FRA10AC1: variants seen among roughly 807,000 people sequenced by gnomAD.
FRA10AC1 encodes FRA10A associated CGG repeat 1.
FRA10AC1 carries 43 observed loss-of-function variants against 56.5 expected under a neutral mutation model. The ratio of observed to expected loss-of-function variants is 0.76; its 90% CI spans 0.60 to 0.98. The LOEUF (loss-of-function observed/expected upper bound fraction) is 0.98. FRA10AC1 is among the 50% of genes least tolerant of loss of function. The pLI, the probability that FRA10AC1 is intolerant of heterozygous loss-of-function variation, is 0.00. For missense variants in FRA10AC1, 346 were observed against 351.8 expected (o/e 0.98, Z 0.13); for synonymous variants, 112 against 110.5 (o/e 1.01, Z -0.09).
At chr10:93,681,738 G>T (rs1372578810) in intron 10 of FRA10AC1, 140 bp from the exon 11 acceptor site, 1 of 702,526 alleles carries the variant, frequency 1.4e-6, no homozygotes, top group Non-Finnish European at 2.1e-6. Context: ...AACGTTAAGT[G>T]AGACTGTAAA....
At position 93,692,101 on chromosome 10, in the gene FRA10AC1, CA is replaced by C. The variant is rs1237607551; in HGVS notation, c.381-9del. ...TTAGCAAGTCTCTTCTCCCTAGACC[CA>C]TGAAAATATAAATATTATACATTTA... On this transcript the variant is annotated splice_polypyrimidine_tract_variant and intron_variant, in intron 6 of 13. Coordinates refer to ENST00000359204, the MANE Select transcript of FRA10AC1 (RefSeq NM_145246.5). The C allele has an allele frequency of 6.8e-7, 1 of 1,472,740 alleles. No individual in the cohort carries two copies. The highest frequency in any genetic ancestry group is 2.6e-5 in the East Asian group (1 of 38,538). 91.2% of individuals were successfully genotyped at this position (1,472,740 alleles called of 1,614,324 possible).
At chr10:93,669,933 A>G in intron 13 of FRA10AC1, 65 bp from the exon 14 acceptor site, 1 of 797,518 alleles carries the variant, frequency 1.3e-6, no homozygotes, top group South Asian at 1.6e-5. Context: ...GATACATTAT[A>G]TGAGATTAAT....
At chr10:93,692,590 A>G in intron 6 of FRA10AC1, 56 bp downstream of exon 6, 1 of 1,129,436 alleles carries the variant, frequency 8.9e-7, no homozygotes, top group Non-Finnish European at 1.3e-6. Flanking sequence ...CCACTCAGAA[A>G]ACAGGAGAAA....
At position 93,668,108 on chromosome 10, in the gene FRA10AC1, A is replaced by C. The variant is rs919092263; in HGVS notation, c.*1718T>G. ...ATGAATAACTGTTTAATAAAAGGAA[A>C]ATCTCTGATAATAACCATTTTAAAA... On this transcript the variant is annotated 3_prime_UTR_variant, in exon 14 of 14. Coordinates refer to ENST00000359204, the MANE Select transcript of FRA10AC1 (RefSeq NM_145246.5). 2 of 152,186 alleles carry C rather than the reference A, an allele frequency of 1.3e-5. No individual in the cohort carries two copies. Among genetic ancestry groups the C allele is most frequent in the Admixed American group, 6.6e-5 (1 of 15,264 alleles). 9.4% of individuals were successfully genotyped at this position (152,186 alleles called of 1,614,324 possible).
chr10:93,677,793 G>GT (rs1413819907), intron 11 of FRA10AC1, among the ~76,000 whole-genome samples: 3 of 152,212 alleles, frequency 2.0e-5, no homozygotes, highest in African/African-American at 7.2e-5. Flanking sequence ...GTCTGAGATT[G>GT]TGAGTTGCTA....
At position 93,693,507 on chromosome 10, in the gene FRA10AC1, TACACCATATATATATATATAC is replaced by T. The variant is rs1430347460; in HGVS notation, c.297-799_297-779del. ...GTATATATATATATATATATATATA[TACACCATATATATATATATAC>T]ACCATATATATATATATATACACAC... On this transcript the variant is annotated intron_variant, in intron 5 of 13. Transcript: ENST00000359204. Among the ~76,000 whole-genome samples the T allele has an allele frequency of 3.9e-3, 99 of 25,508 alleles. 6 individuals carry two copies. The highest frequency in any genetic ancestry group is 6.8e-3 in the African/African-American group (86 of 12,734). 16.7% of individuals were successfully genotyped at this position (25,508 alleles called of 152,430 possible). A position where few individuals can be genotyped will look rare whatever the true frequency, so the allele number is the denominator to read the frequency against.
chr10:93,679,688 A>G (rs1377801509), intron 11 of FRA10AC1, among the ~76,000 whole-genome samples: 1 of 152,144 alleles, frequency 6.6e-6, no homozygotes, highest in African/African-American at 2.4e-5. Context: ...TTTGTCCAGG[A>G]TTTTGCTTAT....
intron 8 of FRA10AC1, among the ~76,000 whole-genome samples, chr10:93,687,124 T>A (rs960722940): frequency 3.3e-5 from 5 of 151,936 alleles, no homozygotes; most frequent in Admixed American, 2.6e-4. Context: ...TTGAAAGTTG[T>A]CTTGCTATGA....
intron 13 of FRA10AC1, among the ~76,000 whole-genome samples, chr10:93,670,138 T>C: frequency 6.6e-6 from 1 of 152,182 alleles, no homozygotes; most frequent in East Asian, 1.9e-4. Context: ...GAAATACTTG[T>C]GAAATGTCAT....
chr10:93,693,960 CTACA>C (rs1299611819), intron 5 of FRA10AC1, among the ~76,000 whole-genome samples: 1 of 151,830 alleles, frequency 6.6e-6, no homozygotes, highest in Non-Finnish European at 1.5e-5. Flanking sequence ...GGATAAAAGA[CTACA>C]TTTTAGGTAT....
chr10:93,676,544 TAAC>T lies in FRA10AC1; in HGVS notation c.826+106_826+108del, dbSNP rs1266181170. 2.9e-6 allele frequency: 4 copies of T among 1,392,448 alleles called. No homozygotes were observed. In the East Asian group the frequency reaches 1.2e-4, roughly 42 times the overall value. 86.3% of individuals were successfully genotyped at this position (1,392,448 alleles called of 1,614,324 possible). A position where few individuals can be genotyped will look rare whatever the true frequency, so the allele number is the denominator to read the frequency against. ...AGTTTTTCTCATGTACAAAAATAAT[TAAC>T]AAAAACAAAAAATAATTCACATCAC... On this transcript the variant is annotated intron_variant, in intron 12 of 13. Transcript: ENST00000359204.
At chr10:93,680,110 A>G (rs976041058) in intron 11 of FRA10AC1, among the ~76,000 whole-genome samples, 1 of 152,188 alleles carries the variant, frequency 6.6e-6, no homozygotes, top group Non-Finnish European at 1.5e-5. Context: ...CTTTGATTGT[A>G]CTGAGTAACA....
At chr10:93,678,842 A>C (rs2058885678) in intron 11 of FRA10AC1, among the ~76,000 whole-genome samples, 2 of 117,726 alleles carry the variant, frequency 1.7e-5, no homozygotes, top group African/African-American at 5.6e-5. Flanking sequence ...ACAGAACAAG[A>C]CCCTGTCTTA....
Position 93,669,482 on chromosome 10 carries a change from T to A in FRA10AC1, c.*344A>T. ...AAGAGAAAAAGAAGAAATAATAAAA[T>A]AAAATAATGAAGGCAAGAGAAGATA... On this transcript the variant is annotated 3_prime_UTR_variant, in exon 14 of 14. Coordinates refer to ENST00000359204, the MANE Select transcript of FRA10AC1 (RefSeq NM_145246.5). The A allele has an allele frequency of 5.5e-6, 1 of 180,428 alleles. No homozygotes were observed. Among genetic ancestry groups the A allele is most frequent in the Non-Finnish European group, 1.1e-5 (1 of 87,972 alleles). The allele number at this position is 180,428 out of a possible 1,614,324, so 11.2% of individuals were successfully genotyped here.
intron 8 of FRA10AC1, among the ~76,000 whole-genome samples, chr10:93,687,038 G>C (rs2059040395): frequency 6.6e-6 from 1 of 151,590 alleles, no homozygotes; most frequent in South Asian, 2.1e-4. Context: ...ATGTGGATTT[G>C]GCTGAAAAAC....
intron 4 of FRA10AC1, among the ~76,000 whole-genome samples, chr10:93,695,734 A>G (rs1417414680): frequency 1.4e-5 from 2 of 144,538 alleles, no homozygotes; most frequent in African/African-American, 5.1e-5. Context: ...ATATTTCAGG[A>G]AAAAAAAAAA....
At chr10:93,685,095 A>G (rs2059001595) in intron 9 of FRA10AC1, 151 bp downstream of exon 9, 1 of 554,966 alleles carries the variant, frequency 1.8e-6, no homozygotes, top group Non-Finnish European at 3.1e-6. Context: ...CTGAGGCTGA[A>G]AAGTTCTTTG....
At chr10:93,698,965 C>T (rs1477345128) in intron 2 of FRA10AC1, among the ~76,000 whole-genome samples, 1 of 152,112 alleles carries the variant, frequency 6.6e-6, no homozygotes, top group Non-Finnish European at 1.5e-5. Flanking sequence ...TACGCAGGCC[C>T]AGCACTGCTT....
chr10:93,672,004 A>G, intron 12 of FRA10AC1: 1 of 431,052 alleles, frequency 2.3e-6, no homozygotes, highest in Non-Finnish European at 4.6e-6. Flanking sequence ...AAATTTAAAA[A>G]TACTGCAAAA....
Sources: gnomAD v4.1 joint callset for allele counts (sites outside exome capture counted in the v4.1 genomes callset) on GRCh38, gnomAD v4.1.1 for gene constraint, MANE v1.5 for transcripts, NCBI Gene and HGNC (gene_info 2026-07-23, HGNC 2026-07-21) for gene names.